SLC2A11: variants seen among roughly 807,000 people sequenced by gnomAD.
The protein encoded by SLC2A11 is solute carrier family 2 member 11.
A neutral mutation model predicts 52.1 loss-of-function variants in SLC2A11; 43 were observed. The observed-to-expected ratio is 0.82, with a 90% CI of 0.65 to 1.06. The LOEUF (loss-of-function observed/expected upper bound fraction) is 1.06, where lower values mean the gene tolerates loss of function less well. SLC2A11 is among the 50% of genes least tolerant of loss of function. The pLI is 0.00. For synonymous variants in SLC2A11, 261 were observed against 277.6 expected (o/e 0.94, Z 0.59); for missense variants, 582 against 654.2 (o/e 0.89, Z 1.20).
At chr22:23,860,014 G>A (rs973947564) in intron 1 of SLC2A11, among the ~76,000 whole-genome samples, 1 of 152,164 alleles carries the variant, frequency 6.6e-6, no homozygotes, top group Non-Finnish European at 1.5e-5. Flanking sequence ...AAATATCTAG[G>A]AAAATACCTG....
At chr22:23,862,048 C>G in intron 1 of SLC2A11, 56 bp from the exon 2 acceptor site, 1 of 1,430,298 alleles carries the variant, frequency 7.0e-7, no homozygotes, top group Non-Finnish European at 9.9e-7. Flanking sequence ...AGCTCTGGTC[C>G]AGGGAGGGGG....
chr22:23,869,850 C>A, intron 3 of SLC2A11: 1 of 606,418 alleles, frequency 1.6e-6, no homozygotes, highest in South Asian at 2.0e-5. Flanking sequence ...GTCCCTGTGT[C>A]CTCACATGGC....
At chr22:23,863,608 GTTTTTTTTTT>G (rs71184923) in intron 2 of SLC2A11, among the ~76,000 whole-genome samples, 5 of 86,804 alleles carry the variant, frequency 5.8e-5, no homozygotes, top group African/African-American at 9.1e-5. Context: ...TCTCTCTCTG[GTTTTTTTTTT>G]TTTTTTTTTT....
At chr22:23,878,878 A>G (rs568404206) in intron 6 of SLC2A11, among the ~76,000 whole-genome samples, 19 of 152,342 alleles carry the variant, frequency 1.2e-4, no homozygotes, top group Admixed American at 5.2e-4. Context: ...CCTAGGATCT[A>G]GAAAGATGAG....
chr22:23,857,429 T>C, upstream of SLC2A11: 2 of 1,609,898 alleles, frequency 1.2e-6, no homozygotes, highest in Admixed American at 1.7e-5. Flanking sequence ...AGAGATGAGC[T>C]TGGGGCTTAG....
At chr22:23,859,549 G>A (rs1025296550) in intron 1 of SLC2A11, among the ~76,000 whole-genome samples, 1 of 151,918 alleles carries the variant, frequency 6.6e-6, no homozygotes, top group Admixed American at 6.6e-5. Flanking sequence ...GGGCAGTGGC[G>A]CGATCTGGGC....
chr22:23,876,934 C>T (rs545312698), intron 4 of SLC2A11, 108 bp from the exon 5 acceptor site: 1 of 1,562,866 alleles, frequency 6.4e-7, no homozygotes, highest in East Asian at 2.2e-5. Flanking sequence ...TGCCAGGATC[C>T]AGTTGAGTGG....
At chr22:23,871,452 A>G (rs1317373281) in intron 3 of SLC2A11, 3 of 146,906 alleles carry the variant, frequency 2.0e-5, no homozygotes, top group Non-Finnish European at 4.5e-5. Flanking sequence ...AAAGAAGTCC[A>G]TGCTAGACCA....
Position 23,883,159 on chromosome 22 carries a change from G to C in SLC2A11, c.993+290G>C, listed in dbSNP as rs1429643793. The C allele has an allele frequency of 1.3e-5, 6 of 449,314 alleles. No individual in the cohort carries two copies. The East Asian group carries it at 2.9e-4, about 22-fold the overall frequency. The allele number at this position is 449,314 out of a possible 1,614,324, so 27.8% of individuals were successfully genotyped here. ...CGCCTGTAATCCCAGGTACTTGGGA[G>C]GCTGAGGCAGGAGAATCGCATGAAC... On this transcript the variant is annotated intron_variant, in intron 8 of 11. Transcript: ENST00000316185.
intron 6 of SLC2A11, chr22:23,882,069 C>CAT (rs2032824149): frequency 4.5e-6 from 1 of 221,608 alleles, no homozygotes; most frequent in Non-Finnish European, 8.5e-6. Flanking sequence ...GAGAGAGAAA[C>CAT]ACACACACAC....
upstream of SLC2A11, chr22:23,857,154 T>C: frequency 9.5e-7 from 1 of 1,049,416 alleles, no homozygotes; most frequent in Non-Finnish European, 1.4e-6. Flanking sequence ...CCAGGGGCAG[T>C]GGCCTCCGAG....
chr22:23,857,766 C>A, upstream of SLC2A11: 1 of 1,393,524 alleles, frequency 7.2e-7, no homozygotes. Flanking sequence ...TTTAGCGTTG[C>A]GCGAACCCTC....
intron 3 of SLC2A11, chr22:23,872,451 C>T (rs2032487017): frequency 6.6e-6 from 1 of 152,204 alleles, no homozygotes; most frequent in African/African-American, 2.4e-5. Flanking sequence ...GGTATTTTAA[C>T]TGCCACTTTG....
intron 2 of SLC2A11, chr22:23,865,973 C>G (rs1255678262): frequency 1.3e-5 from 2 of 152,174 alleles, no homozygotes; most frequent in Non-Finnish European, 2.9e-5. Context: ...TGAGACCAGC[C>G]TAAGCAACAC....
chr22:23,882,331 C>T (rs2032841258), intron 6 of SLC2A11, 128 bp from the exon 7 acceptor site: 1 of 800,276 alleles, frequency 1.2e-6, no homozygotes, highest in South Asian at 1.8e-5. Context: ...CACACACACA[C>T]AGACAGACTC....
At position 23,885,952 on chromosome 22, in the gene SLC2A11, C is replaced by T. The variant is rs563545300; in HGVS notation, c.*1103C>T. 6.6e-6 allele frequency: 1 copy of T among 152,136 alleles called. No individual in the cohort carries two copies. The highest frequency in any genetic ancestry group is 2.4e-5 in the African/African-American group (1 of 41,410). 9.4% of individuals were successfully genotyped at this position (152,136 alleles called of 1,614,324 possible). On this transcript the variant is annotated 3_prime_UTR_variant, in exon 12 of 12. Coordinates refer to ENST00000316185, the MANE Select transcript of SLC2A11 (RefSeq NM_001024939.4). ...AAACACCACCGTGATCAAGATGGAA[C>T]CTTTACCCTACCCCAAGGCACCCAC...
chr22:23,857,673 C>G (rs1217659599), upstream of SLC2A11: 3 of 1,123,536 alleles, frequency 2.7e-6, no homozygotes, highest in East Asian at 5.2e-5. Context: ...GCGCATGCGC[C>G]TCAGGCGCCC....
rs147655616 is a variant in SLC2A11 at position 23,868,632 on chromosome 22, C to G, written c.281C>G (p.Thr94Arg). The G allele has an allele frequency of 6.2e-7, 1 of 1,614,026 alleles. No individual in the cohort carries two copies. Among genetic ancestry groups the G allele is most frequent in the Non-Finnish European group, 8.5e-7 (1 of 1,179,964 alleles). The change falls in exon 3 of 12, where the codon ACG becomes AGG. Residue 94 changes from threonine to arginine, a missense_variant. Coordinates refer to ENST00000316185, the MANE Select transcript of SLC2A11 (RefSeq NM_001024939.4). ...CTGCTTGCAGGTCCCTTGGCCATCA[C>G]GCTGGGAAGGTAAGTGCTTCCTGCA... ...GALLAGPLAI[T>R]LGRKKSLLVN...
intron 8 of SLC2A11, 157 bp downstream of exon 8, chr22:23,883,026 C>A (rs1290702396): frequency 1.4e-6 from 1 of 737,620 alleles, no homozygotes; most frequent in African/African-American, 1.7e-5. Flanking sequence ...TTTGGGAGGC[C>A]GAGGTGGGTG....
Sources: gnomAD v4.1 joint callset for allele counts (sites outside exome capture counted in the v4.1 genomes callset) on GRCh38, gnomAD v4.1.1 for gene constraint, MANE v1.5 for transcripts, NCBI Gene and HGNC (gene_info 2026-07-23, HGNC 2026-07-21) for gene names.